MTRFR: variants seen among roughly 807,000 people sequenced by gnomAD.
The protein encoded by MTRFR is mitochondrial translation release factor in rescue.
Under a neutral mutation model 11.9 loss-of-function variants are expected in MTRFR, and 10 were observed. The ratio of observed to expected loss-of-function variants is 0.84; its 90% CI spans 0.52 to 1.42. MTRFR has a LOEUF of 1.42. Among genes scored for constraint, MTRFR ranks in the 40% most tolerant of loss-of-function variants. MTRFR has a pLI of 0.00. For synonymous variants in MTRFR, 77 were observed against 79.1 expected, an observed-to-expected ratio of 0.97 and a Z score of 0.14; for missense variants, 196 against 197.9, an observed-to-expected ratio of 0.99 and a Z score of 0.06.
intron 1 of MTRFR, among the ~76,000 whole-genome samples, chr12:123,238,135 A>G (rs368880621): frequency 2.6e-5 from 4 of 152,036 alleles, no homozygotes; most frequent in African/African-American, 7.2e-5. Flanking sequence ...AGCTCAGGCA[A>G]TCCACCCTCA....
At chr12:123,249,049 C>T (rs1246360303) in intron 1 of MTRFR, 1 of 152,176 alleles carries the variant, frequency 6.6e-6, no homozygotes, top group African/African-American at 2.4e-5. Flanking sequence ...TTTAGCTAGA[C>T]ACAAAAGTTC....
At chr12:123,238,277 C>A (rs2047881756) in intron 1 of MTRFR, among the ~76,000 whole-genome samples, 3 of 152,138 alleles carry the variant, frequency 2.0e-5, no homozygotes. Context: ...TCTGGCACCA[C>A]CTGCTGGCCG....
At chr12:123,253,997 A>G (rs201868987) in intron 2 of MTRFR, 41 bp downstream of exon 2, 8 of 1,608,328 alleles carry the variant, frequency 5.0e-6, no homozygotes, top group South Asian at 3.3e-5. Context: ...GCCCCGCCCA[A>G]GGGTTCCACA....
At position 123,253,816 on chromosome 12, in the gene MTRFR, G is replaced by A; in HGVS notation, c.142G>A (p.Asp48Asn). Residue 48 changes from aspartate (D) to asparagine (N), a missense_variant, in exon 2 of 3, where the codon GAC (aspartate) becomes AAC (asparagine). Transcript: ENST00000253233. ...TCCGGTCCAGATGGCAGGCAAGAAG[G>A]ACTACCCTGCACTGCTTTCCTTGGA... ...VTPVQMAGKK[D>N]YPALLSLDEN... The A allele has an allele frequency of 6.2e-7, 1 of 1,614,164 alleles. No homozygotes were observed. The highest frequency in any genetic ancestry group is 1.1e-5 in the South Asian group (1 of 91,082).
At chr12:123,249,643 C>T (rs1006111302) in intron 1 of MTRFR, 2 of 152,640 alleles carry the variant, frequency 1.3e-5, no homozygotes, top group Admixed American at 1.3e-4. Flanking sequence ...CTCACTGGCC[C>T]GCGAGCTCTC....
chr12:123,243,024 A>G (rs2047966566), intron 1 of MTRFR, among the ~76,000 whole-genome samples: 1 of 152,206 alleles, frequency 6.6e-6, no homozygotes, highest in South Asian at 2.1e-4. Flanking sequence ...AGTCTACTCA[A>G]TCTTTCGTAG....
upstream of MTRFR, chr12:123,233,361 G>A (rs997164591): frequency 1.3e-5 from 2 of 152,294 alleles, no homozygotes; most frequent in African/African-American, 4.8e-5. Context: ...AGGGAAAGAA[G>A]CTTCAGTTTC....
chr12:123,237,796 G>A (rs1160846504), intron 1 of MTRFR, among the ~76,000 whole-genome samples: 2 of 152,158 alleles, frequency 1.3e-5, no homozygotes, highest in Non-Finnish European at 2.9e-5. Context: ...AGCCCTTAAG[G>A]ATTTCAGATA....
chr12:123,236,481 T>TA (rs2047851914), intron 1 of MTRFR, among the ~76,000 whole-genome samples: 1 of 151,614 alleles, frequency 6.6e-6, no homozygotes, highest in Admixed American at 6.6e-5. Context: ...TGGCCCCAGC[T>TA]ACTGGGGAGG....
chr12:123,257,735 G>A lies in MTRFR; in HGVS notation c.*704G>A, dbSNP rs1037344322. The A allele has an allele frequency of 6.6e-6, 1 of 151,210 alleles. No homozygotes were observed. The highest frequency in any genetic ancestry group is 1.5e-5 in the Non-Finnish European group (1 of 68,066). The allele number at this position is 151,210 out of a possible 1,614,324, so 9.4% of individuals were successfully genotyped here. Reference sequence around the variant, plus strand: ...TAAGATAAAACCATAAAGAAACACAGTCAGTACTATACAAGAATAATGGCT... The same window carrying A: ...TAAGATAAAACCATAAAGAAACACAATCAGTACTATACAAGAATAATGGCT... On this transcript the variant is annotated 3_prime_UTR_variant, in exon 3 of 3. Transcript: ENST00000253233.
At chr12:123,242,091 T>C (rs1159634045) in intron 1 of MTRFR, among the ~76,000 whole-genome samples, 1 of 152,254 alleles carries the variant, frequency 6.6e-6, no homozygotes, top group Admixed American at 6.5e-5. Flanking sequence ...AATAGATGTT[T>C]TAAATATTCT....
chr12:123,251,281 A>G (rs2048108477), intron 1 of MTRFR: 1 of 152,286 alleles, frequency 6.6e-6, no homozygotes. Flanking sequence ...CAGCGAAAGA[A>G]AAGGGCTGTA....
intron 1 of MTRFR, among the ~76,000 whole-genome samples, chr12:123,239,220 G>A (rs955392727): frequency 1.3e-5 from 2 of 152,212 alleles, no homozygotes; most frequent in Non-Finnish European, 2.9e-5. Context: ...AGTGAGCTGA[G>A]ATGGCGCCAC....
chr12:123,243,074 G>A (rs1314032781), intron 1 of MTRFR, among the ~76,000 whole-genome samples: 4 of 152,008 alleles, frequency 2.6e-5, no homozygotes, highest in Non-Finnish European at 5.9e-5. Flanking sequence ...AAAGTGCCTG[G>A]GTTTATCATT....
chr12:123,246,980 C>T lies in MTRFR; in HGVS notation c.-28-6667C>T, dbSNP rs370229685. On this transcript the variant is annotated intron_variant, in intron 1 of 2. Transcript: ENST00000253233. ...TCCCGACCTTGTGATCCACCTGCCT[C>T]GGCCTCCCAAAGTGCTGGGATTACA... Among the ~76,000 whole-genome samples the T allele has an allele frequency of 2.4e-4, 37 of 151,968 alleles. No homozygotes were observed. The East Asian group carries it at 2.7e-3, about 11-fold the overall frequency.
chr12:123,244,929 C>CCTTTT (rs1170457743), intron 1 of MTRFR, among the ~76,000 whole-genome samples: 43 of 64,306 alleles, frequency 6.7e-4, no homozygotes, highest in Middle Eastern at 9.4e-3. Flanking sequence ...CCGCACCCGG[C>CCTTTT]ATTTTTTTTT....
chr12:123,240,017 T>TG (rs1290200527), intron 1 of MTRFR, among the ~76,000 whole-genome samples: 1 of 151,952 alleles, frequency 6.6e-6, no homozygotes, highest in African/African-American at 2.4e-5. Context: ...AGCCTTGCCA[T>TG]GGGGTGTGGG....
chr12:123,236,795 G>A (rs1285241085), intron 1 of MTRFR, among the ~76,000 whole-genome samples: 1 of 151,890 alleles, frequency 6.6e-6, no homozygotes, highest in Non-Finnish European at 1.5e-5. Context: ...GCCATAAATA[G>A]AACAAATATG....
intron 1 of MTRFR, chr12:123,251,150 C>T (rs2048107000): frequency 6.6e-6 from 1 of 152,274 alleles, no homozygotes; most frequent in African/African-American, 2.4e-5. Context: ...CACCCAGCTC[C>T]CACACAAACC....
Sources: allele counts gnomAD v4.1 joint callset (sites outside exome capture counted in the v4.1 genomes callset), GRCh38; gene constraint gnomAD v4.1.1; transcripts MANE v1.5; gene names NCBI Gene and HGNC (gene_info 2026-07-23, HGNC 2026-07-21).